The following OR6Q1 variants were observed in gnomAD, a reference collection of about 807,000 sequenced individuals.
OR6Q1 encodes the protein olfactory receptor 6Q1.
For missense variants in OR6Q1, 387 were observed against 381.7 expected (o/e 1.01, Z -0.12); for synonymous variants, 144 against 148.9 (o/e 0.97, Z 0.24).
At position 58,030,984 on chromosome 11, in the gene OR6Q1, TA is replaced by T. The variant is rs753083399; in HGVS notation, c.34del (p.Thr12LeufsTer5). The T allele has an allele frequency of 1.2e-6, 2 of 1,613,902 alleles. No homozygotes were observed. Among genetic ancestry groups the T allele is most frequent in the Admixed American group, 3.3e-5 (2 of 59,992 alleles). MQPYTKNWTQ[V>X]TEFVMMGFAG... is the part of the protein sequence containing the mutation. ...CCATATACCAAAAACTGGACCCAGG[TA>T]ACTGAATTTGTCATGATGGGCTTTG... On this transcript the variant is annotated frameshift_variant, in exon 1 of 1. Coordinates refer to ENST00000302622, the MANE Select transcript of OR6Q1 (RefSeq NM_001005186.2). LOFTEE classifies it low-confidence loss of function (END_TRUNC).
Position 58,031,335 on chromosome 11 carries a change from T to C in OR6Q1, c.383T>C (p.Val128Ala). 3 of 1,614,208 alleles carry C rather than the reference T, an allele frequency of 1.9e-6. No homozygotes were observed. The highest frequency in any genetic ancestry group is 2.5e-6 in the Non-Finnish European group (3 of 1,180,024). The stretch of plus-strand genomic sequence containing the variant: ...GCTGCCATGGCCTATGATCGTTATG[T>C]GGCCATTTGTATGCCTCTCCACTAT... The part of the protein sequence containing the change: ...LLAAMAYDRY[V>A]AICMPLHYGA... Residue 128 changes from valine to alanine, a missense_variant, in exon 1 of 1, where the codon GTG (valine) becomes GCG (alanine). Coordinates refer to ENST00000302622, the MANE Select transcript of OR6Q1 (RefSeq NM_001005186.2).
chr11:58,031,717 C>T lies in OR6Q1; in HGVS notation c.765C>T (p.Phe255=), dbSNP rs1019570163. ...CTCACCTGACTGTGGTGAGCCTCTT[C>T]TATGGCACTCTTTTCTTTATGTATG... ...CAAHLTVVSL[F]YGTLFFMYVQ... Residue 255 remains phenylalanine (F), a synonymous_variant, in exon 1 of 1, where the codon TTC becomes TTT. Transcript: ENST00000302622. The T allele has an allele frequency of 6.2e-7, 1 of 1,614,098 alleles. No homozygotes were observed. Among genetic ancestry groups the T allele is most frequent in the Admixed American group, 1.7e-5 (1 of 60,010 alleles).
rs971685072 is a variant in OR6Q1 at position 58,031,357 on chromosome 11, C to G, written c.405C>G (p.His135Gln). 4 of 1,614,088 alleles carry G rather than the reference C, an allele frequency of 2.5e-6. No homozygotes were observed. Among genetic ancestry groups the G allele is most frequent in the Admixed American group, 1.7e-5 (1 of 60,002 alleles). ...DRYVAICMPL[H>Q]YGAFVSWGTC... The stretch of plus-strand genomic sequence containing the variant: ...ATGTGGCCATTTGTATGCCTCTCCA[C>G]TATGGGGCTTTTGTGTCCTGGGGCA... Residue 135 changes from histidine (H) to glutamine (Q), a missense_variant, in exon 1 of 1, where the codon CAC (histidine) becomes CAG (glutamine). Physicochemically the swap from His to Gln is conservative, Grantham distance 24. Transcript: ENST00000302622.
In OR6Q1 at chr11:58,031,875, T is replaced by A; in HGVS notation, c.923T>A (p.Val308Asp). 6.2e-7 allele frequency: 1 copy of A among 1,612,858 alleles called. No homozygotes were observed. Among genetic ancestry groups the A allele is most frequent in the Non-Finnish European group, 8.5e-7 (1 of 1,179,114 alleles). ...NKEVKGALGR[V>D]FSLNFWKGQ Reference sequence around the variant, plus strand: ...GAAGTGAAGGGAGCTCTGGGTCGAGTCTTTTCTCTCAACTTTTGGAAGGGA... The same window carrying A: ...GAAGTGAAGGGAGCTCTGGGTCGAGACTTTTCTCTCAACTTTTGGAAGGGA... The change falls in exon 1 of 1, where the codon GTC becomes GAC. Residue 308 changes from valine to aspartate, a missense_variant. Physicochemically the swap from Val to Asp is radical, Grantham distance 152. Coordinates refer to ENST00000302622, the MANE Select transcript of OR6Q1 (RefSeq NM_001005186.2).
At position 58,031,101 on chromosome 11, in the gene OR6Q1, T is replaced by C. The variant is rs952152519; in HGVS notation, c.149T>C (p.Val50Ala). The change falls in exon 1 of 1, where the codon GTG becomes GCG. Residue 50 changes from valine (V) to alanine (A), a missense_variant. By Grantham distance (64) the Val-to-Ala change is moderately conservative. Coordinates refer to ENST00000302622, the MANE Select transcript of OR6Q1 (RefSeq NM_001005186.2). ...GTGGAGAATTTGGCCATCATTTTAG[T>C]GGTGGGTTTGGACCACCGACTACGG... The part of the protein sequence containing the change: ...TLVENLAIIL[V>A]VGLDHRLRRP... 6.2e-7 allele frequency: 1 copy of C among 1,614,174 alleles called. No homozygotes were observed.
Position 58,031,785 on chromosome 11 carries a change from T to C in OR6Q1, c.833T>C (p.Val278Ala). Residue 278 changes from valine to alanine, a missense_variant, in exon 1 of 1, where the codon GTA (valine) becomes GCA (alanine). Coordinates refer to ENST00000302622, the MANE Select transcript of OR6Q1 (RefSeq NM_001005186.2). ...VTSSINFNKV[V>A]SVFYSVVTPM... is the part of the protein sequence containing the mutation. ...TCCTCCATCAACTTCAACAAGGTGG[T>C]ATCTGTCTTCTACTCTGTTGTCACG... The C allele has an allele frequency of 6.2e-7, 1 of 1,613,952 alleles. No individual in the cohort carries two copies. Among genetic ancestry groups the C allele is most frequent in the Non-Finnish European group, 8.5e-7 (1 of 1,179,830 alleles).
At position 58,031,511 on chromosome 11, in the gene OR6Q1, C is replaced by T. The variant is rs980696204; in HGVS notation, c.559C>T (p.Pro187Ser). The change falls in exon 1 of 1, where the codon CCC (proline) becomes TCC (serine). Residue 187 changes from proline (P) to serine (S), a missense_variant. Physicochemically the swap from Pro to Ser is moderately conservative, Grantham distance 74. Transcript: ENST00000302622. The part of the protein sequence containing the change: ...VIDHFSCDAS[P>S]LLALSCSDVT... ...TGACCATTTCTCCTGTGATGCCTCA[C>T]CCTTGCTAGCCTTGTCGTGCTCAGA... 2 of 1,614,136 alleles carry T rather than the reference C, an allele frequency of 1.2e-6. No homozygotes were observed. The highest frequency in any genetic ancestry group is 1.6e-4 in the Middle Eastern group (1 of 6,062).
chr11:58,031,581 TGC>T lies in OR6Q1; in HGVS notation c.630_631del (p.Leu211ThrfsTer26). On this transcript the variant is annotated frameshift_variant, in exon 1 of 1. Transcript: ENST00000302622. LOFTEE classifies it low-confidence loss of function (END_TRUNC). ...GTGGATTTCCTGGTGTCTCTGGCTGTGCTACTGGCCTCCTCTATGGTCATTGC... is the reference window on the plus strand; with the variant it reads ...GTGGATTTCCTGGTGTCTCTGGCTGTTACTGGCCTCCTCTATGGTCATTGC... The T allele has an allele frequency of 6.2e-7, 1 of 1,614,108 alleles. No individual in the cohort carries two copies. The highest frequency in any genetic ancestry group is 1.3e-5 in the African/African-American group (1 of 75,054).
Position 58,030,977 on chromosome 11 carries a change from A to G in OR6Q1, c.25A>G (p.Thr9Ala), listed in dbSNP as rs1417070834. Residue 9 changes from threonine to alanine, a missense_variant, in exon 1 of 1, where the codon ACC becomes GCC. Coordinates refer to ENST00000302622, the MANE Select transcript of OR6Q1 (RefSeq NM_001005186.2). MQPYTKNWTQVTEFVMMGF... is the reference protein window; with the variant it reads MQPYTKNWAQVTEFVMMGF... ...TATGCAACCATATACCAAAAACTGG[A>G]CCCAGGTAACTGAATTTGTCATGAT... 2 of 1,613,744 alleles carry G rather than the reference A, an allele frequency of 1.2e-6. No homozygotes were observed. Among genetic ancestry groups the G allele is most frequent in the African/African-American group, 2.7e-5 (2 of 74,916 alleles).
In OR6Q1 at chr11:58,031,016, A is replaced by T. The variant is rs370480579; in HGVS notation, c.64A>T (p.Ile22Phe). The change falls in exon 1 of 1, where the codon ATC becomes TTC. Residue 22 changes from isoleucine (I) to phenylalanine (F), a missense_variant. Ile to Phe is a conservative substitution (Grantham distance 21). Transcript: ENST00000302622. Reference sequence around the variant, plus strand: ...ATTTGTCATGATGGGCTTTGCTGGCATCCATGAAGCACACCTCCTCTTCTT... The same window carrying T: ...ATTTGTCATGATGGGCTTTGCTGGCTTCCATGAAGCACACCTCCTCTTCTT... Reference protein sequence around the residue: ...TEFVMMGFAGIHEAHLLFFIL... With the variant: ...TEFVMMGFAGFHEAHLLFFIL... 1.9e-5 allele frequency: 31 copies of T among 1,614,182 alleles called. No homozygotes were observed. Among genetic ancestry groups the T allele is most frequent in the Non-Finnish European group, 2.4e-5 (28 of 1,180,016 alleles).
In OR6Q1 at chr11:58,031,873, A is replaced by C. The variant is rs778080197; in HGVS notation, c.921A>C (p.Arg307=). 97 of 1,612,966 alleles carry C rather than the reference A, an allele frequency of 6.0e-5. 2 individuals carry two copies. The South Asian group carries it at 1.0e-3, about 17-fold the overall frequency. ...AGGAAGTGAAGGGAGCTCTGGGTCG[A>C]GTCTTTTCTCTCAACTTTTGGAAGG... is the stretch of plus-strand genomic sequence containing the variant. The part of the protein sequence containing the change: ...RNKEVKGALG[R]VFSLNFWKGQ Residue 307 remains arginine, a synonymous_variant, in exon 1 of 1, where the codon CGA becomes CGC. Coordinates refer to ENST00000302622, the MANE Select transcript of OR6Q1 (RefSeq NM_001005186.2).
rs944577152 is a variant in OR6Q1, at chr11:58,031,752, A to G, written c.800A>G (p.Lys267Arg). 4.3e-6 allele frequency: 7 copies of G among 1,613,968 alleles called. No individual in the cohort carries two copies. Among genetic ancestry groups the G allele is most frequent in the African/African-American group, 1.3e-5 (1 of 74,914 alleles). ...CTTTTCTTTATGTATGTCCAGACCA[A>G]GGTGACCTCCTCCATCAACTTCAAC... is the stretch of plus-strand genomic sequence containing the variant. Reference protein sequence around the residue: ...GTLFFMYVQTKVTSSINFNKV... With the variant: ...GTLFFMYVQTRVTSSINFNKV... Residue 267 changes from lysine (K) to arginine (R), a missense_variant, in exon 1 of 1, where the codon AAG becomes AGG. Coordinates refer to ENST00000302622, the MANE Select transcript of OR6Q1 (RefSeq NM_001005186.2).
Position 58,031,821 on chromosome 11 carries a change from A to G in OR6Q1, c.869A>G (p.Asn290Ser), listed in dbSNP as rs1013008603. The G allele has an allele frequency of 5.6e-6, 9 of 1,613,940 alleles. No individual in the cohort carries two copies. Among genetic ancestry groups the G allele is most frequent in the Admixed American group, 3.3e-5 (2 of 59,986 alleles). ...TACTCTGTTGTCACGCCCATGCTCAATCCTCTCATCTACAGTCTTAGGAAC... is the reference window on the plus strand; with the variant it reads ...TACTCTGTTGTCACGCCCATGCTCAGTCCTCTCATCTACAGTCTTAGGAAC... ...VFYSVVTPMLNPLIYSLRNKE... is the reference protein window; with the variant it reads ...VFYSVVTPMLSPLIYSLRNKE... Residue 290 changes from asparagine (N) to serine (S), a missense_variant, in exon 1 of 1, where the codon AAT becomes AGT. Coordinates refer to ENST00000302622, the MANE Select transcript of OR6Q1 (RefSeq NM_001005186.2).
rs1853030082 is a variant in OR6Q1, at chr11:58,031,174, G to A, written c.222G>A (p.Trp74Ter). ...CACACTTGTCCTGCCTTGAAATCTG[G>A]TACACTTCTGTTACAGTGCCCAAGA... ...FLTHLSCLEIWYTSVTVPKML... is the reference protein window; with the variant it reads ...FLTHLSCLEI Residue 74 changes from tryptophan (W) to a stop codon, truncating the protein, a stop_gained, in exon 1 of 1, where the codon TGG becomes TGA. Transcript: ENST00000302622. LOFTEE classifies it low-confidence loss of function (END_TRUNC). The A allele has an allele frequency of 6.2e-7, 1 of 1,613,982 alleles. No homozygotes were observed. The highest frequency in any genetic ancestry group is 8.5e-7 in the Non-Finnish European group (1 of 1,180,008).
Position 58,031,878 on chromosome 11 carries a change from T to C in OR6Q1, c.926T>C (p.Phe309Ser), listed in dbSNP as rs745966210. 1 of 1,612,936 alleles carries C rather than the reference T, an allele frequency of 6.2e-7. No homozygotes were observed. The highest frequency in any genetic ancestry group is 2.2e-5 in the East Asian group (1 of 44,874). Residue 309 changes from phenylalanine to serine, a missense_variant, in exon 1 of 1, where the codon TTT (phenylalanine) becomes TCT (serine). By Grantham distance (155) the Phe-to-Ser change is radical. Coordinates refer to ENST00000302622, the MANE Select transcript of OR6Q1 (RefSeq NM_001005186.2). ...GTGAAGGGAGCTCTGGGTCGAGTCT[T>C]TTCTCTCAACTTTTGGAAGGGACAG... is the stretch of plus-strand genomic sequence containing the variant. ...KEVKGALGRV[F>S]SLNFWKGQ
chr11:58,031,725 C>G lies in OR6Q1; in HGVS notation c.773C>G (p.Thr258Ser). 1 of 1,614,114 alleles carries G rather than the reference C, an allele frequency of 6.2e-7. No individual in the cohort carries two copies. The highest frequency in any genetic ancestry group is 8.5e-7 in the Non-Finnish European group (1 of 1,179,978). ...ACTGTGGTGAGCCTCTTCTATGGCA[C>G]TCTTTTCTTTATGTATGTCCAGACC... ...HLTVVSLFYG[T>S]LFFMYVQTKV... is the part of the protein sequence containing the mutation. The change falls in exon 1 of 1, where the codon ACT becomes AGT. Residue 258 changes from threonine (T) to serine (S), a missense_variant. Thr to Ser is a moderately conservative substitution (Grantham distance 58, BLOSUM62 1). Transcript: ENST00000302622.
At position 58,031,630 on chromosome 11, in the gene OR6Q1, C is replaced by G; in HGVS notation, c.678C>G (p.Val226=). 1.9e-6 allele frequency: 3 copies of G among 1,608,652 alleles called. No homozygotes were observed. Among genetic ancestry groups the G allele is most frequent in the Non-Finnish European group, 2.5e-6 (3 of 1,177,084 alleles). The change falls in exon 1 of 1, where the codon GTC becomes GTG. Residue 226 remains valine (V), a synonymous_variant. Coordinates refer to ENST00000302622, the MANE Select transcript of OR6Q1 (RefSeq NM_001005186.2). ...TTGCTGTGTCCTATGGCAACATCGT[C>G]TGGACACTGCTGCACATCCGCTCAG... The part of the protein sequence containing the change: ...MVIAVSYGNI[V]WTLLHIRSAA...
Position 58,031,628 on chromosome 11 carries a change from G to T in OR6Q1, c.676G>T (p.Val226Phe), listed in dbSNP as rs376751371. ...MVIAVSYGNI[V>F]WTLLHIRSAA... Reference sequence around the variant, plus strand: ...CATTGCTGTGTCCTATGGCAACATCGTCTGGACACTGCTGCACATCCGCTC... The same window carrying T: ...CATTGCTGTGTCCTATGGCAACATCTTCTGGACACTGCTGCACATCCGCTC... Residue 226 changes from valine (V) to phenylalanine (F), a missense_variant, in exon 1 of 1, where the codon GTC (valine) becomes TTC (phenylalanine). Physicochemically the swap from Val to Phe is conservative, Grantham distance 50. Coordinates refer to ENST00000302622, the MANE Select transcript of OR6Q1 (RefSeq NM_001005186.2). 5 of 1,608,738 alleles carry T rather than the reference G, an allele frequency of 3.1e-6. No individual in the cohort carries two copies. The highest frequency in any genetic ancestry group is 1.7e-5 in the Admixed American group (1 of 59,582).
In OR6Q1 at chr11:58,031,587, T is replaced by A. The variant is rs202191020; in HGVS notation, c.635T>A (p.Leu212Gln). 2.8e-5 allele frequency: 45 copies of A among 1,614,090 alleles called. No homozygotes were observed. In the East Asian group the frequency reaches 8.5e-4, roughly 30 times the overall value. The change falls in exon 1 of 1, where the codon CTG (leucine) becomes CAG (glutamine). Residue 212 changes from leucine to glutamine, a missense_variant. By Grantham distance (113) the Leu-to-Gln change is moderately radical. Coordinates refer to ENST00000302622, the MANE Select transcript of OR6Q1 (RefSeq NM_001005186.2). Reference protein sequence around the residue: ...VDFLVSLAVLLASSMVIAVSY... With the variant: ...VDFLVSLAVLQASSMVIAVSY... ...TTCCTGGTGTCTCTGGCTGTGCTAC[T>A]GGCCTCCTCTATGGTCATTGCTGTG...
Sources: gnomAD v4.1 joint callset for allele counts on GRCh38, gnomAD v4.1.1 for gene constraint, MANE v1.5 for transcripts, NCBI Gene and HGNC (gene_info 2026-07-23, HGNC 2026-07-21) for gene names.